Variants in PDE1A observed in about 807,000 individuals in gnomAD.
PDE1A encodes dual specificity calcium/calmodulin-dependent 3',5'-cyclic nucleotide phosphodiesterase 1A.
In PDE1A, 35 loss-of-function variants were observed where a neutral mutation model predicts 61.7. The ratio of observed to expected loss-of-function variants is 0.57; its 90% CI spans 0.43 to 0.75. The LOEUF is 0.75. PDE1A is among the 30% of genes least tolerant of loss of function. The pLI is 0.00. For missense variants in PDE1A, 597 were observed against 630.6 expected (o/e 0.95, Z 0.57); for synonymous variants, 232 against 213.2 (o/e 1.09, Z -0.77).
chr2:182,274,236 C>T (rs1349079793), intron 1 of PDE1A, among the ~76,000 whole-genome samples: 1 of 152,080 alleles, frequency 6.6e-6, no homozygotes, highest in Non-Finnish European at 1.5e-5. Flanking sequence ...ACAAATATAT[C>T]AAATGGCTTG....
intron 1 of PDE1A, among the ~76,000 whole-genome samples, chr2:182,362,214 A>G (rs944749978): frequency 6.6e-6 from 1 of 152,032 alleles, no homozygotes; most frequent in Admixed American, 6.6e-5. Flanking sequence ...CAGAAGACCA[A>G]TGAAATTATA....
chr2:182,626,114 T>C, the PDE1A span, among the ~76,000 whole-genome samples: 1 of 152,192 alleles, frequency 6.6e-6, no homozygotes, highest in Non-Finnish European at 1.5e-5. Flanking sequence ...ATGTTGGAAG[T>C]GCAGGAAGTG....
chr2:182,209,056 T>C (rs543957621), intron 7 of PDE1A, among the ~76,000 whole-genome samples: 1 of 152,114 alleles, frequency 6.6e-6, no homozygotes, highest in Non-Finnish European at 1.5e-5. Flanking sequence ...GAGAAGGACA[T>C]GTGATTCAGG....
the PDE1A span, among the ~76,000 whole-genome samples, chr2:182,576,607 G>A: frequency 6.6e-6 from 1 of 152,080 alleles, no homozygotes; most frequent in African/African-American, 2.4e-5. Flanking sequence ...GGATTATATG[G>A]TACTTCTAAT....
intron 1 of PDE1A, among the ~76,000 whole-genome samples, chr2:182,273,183 TA>T (rs1693158237): frequency 2.6e-5 from 4 of 151,988 alleles, no homozygotes; most frequent in African/African-American, 9.7e-5. Flanking sequence ...TTTTGATAAT[TA>T]AAAAAAGAAT....
intron 1 of PDE1A, among the ~76,000 whole-genome samples, chr2:182,410,140 C>G (rs545241085): frequency 6.6e-6 from 1 of 152,002 alleles, no homozygotes; most frequent in Non-Finnish European, 1.5e-5. Flanking sequence ...TCACTTAAGC[C>G]CAGGAGTTCA....
intron 2 of PDE1A, among the ~76,000 whole-genome samples, chr2:182,519,627 A>G (rs1690438050): frequency 6.6e-6 from 1 of 151,936 alleles, no homozygotes; most frequent in African/African-American, 2.4e-5. Context: ...AATGGTAGAC[A>G]GCATTGATAT....
intron 1 of PDE1A, among the ~76,000 whole-genome samples, chr2:182,341,413 C>A (rs1258778527): frequency 6.6e-6 from 1 of 152,138 alleles, no homozygotes; most frequent in Non-Finnish European, 1.5e-5. Flanking sequence ...GTGGCAATAA[C>A]TGTTTTAATG....
intron 1 of PDE1A, among the ~76,000 whole-genome samples, chr2:182,320,384 T>A (rs1379614049): frequency 6.6e-6 from 1 of 152,086 alleles, no homozygotes; most frequent in African/African-American, 2.4e-5. Context: ...TAGGCCGCAC[T>A]GATGAAGAGG....
At chr2:182,159,700 G>T (rs1691274641) in intron 13 of PDE1A, among the ~76,000 whole-genome samples, 1 of 152,120 alleles carries the variant, frequency 6.6e-6, no homozygotes, top group African/African-American at 2.4e-5. Context: ...GAGTGCATTG[G>T]CTCTTGCACT....
At chr2:182,670,697 C>T in the PDE1A span, among the ~76,000 whole-genome samples, 1 of 152,178 alleles carries the variant, frequency 6.6e-6, no homozygotes, top group Non-Finnish European at 1.5e-5. Flanking sequence ...ATTTGGGAAA[C>T]CAATCACCTA....
chr2:182,183,496 C>A (rs776956933), intron 13 of PDE1A, among the ~76,000 whole-genome samples: 7 of 152,130 alleles, frequency 4.6e-5, no homozygotes, highest in Non-Finnish European at 1.0e-4. Flanking sequence ...AATGGGAAGG[C>A]AGCAAATAAT....
intron 1 of PDE1A, among the ~76,000 whole-genome samples, chr2:182,320,881 T>C (rs557320729): frequency 1.3e-5 from 2 of 152,214 alleles, no homozygotes; most frequent in Non-Finnish European, 2.9e-5. Context: ...AAACCAAAAA[T>C]ATTCCACATG....
chr2:182,289,792 C>T (rs751408211), intron 1 of PDE1A, among the ~76,000 whole-genome samples: 22 of 152,060 alleles, frequency 1.4e-4, no homozygotes, highest in Non-Finnish European at 2.8e-4. Context: ...TCCTAACCTA[C>T]GAGTTACTTT....
chr2:182,273,519 G>C (rs1006316570), intron 1 of PDE1A, among the ~76,000 whole-genome samples: 2 of 151,616 alleles, frequency 1.3e-5, no homozygotes, highest in Non-Finnish European at 2.9e-5. Flanking sequence ...CTTATCTACT[G>C]AACTAACTGA....
At chr2:182,271,047 A>T (rs1456017723) in intron 1 of PDE1A, among the ~76,000 whole-genome samples, 2 of 151,936 alleles carry the variant, frequency 1.3e-5, no homozygotes, top group African/African-American at 4.8e-5. Context: ...ATAATTCCCC[A>T]AACAATTTCT....
At chr2:182,624,649 G>C in the PDE1A span, among the ~76,000 whole-genome samples, 87 of 152,234 alleles carry the variant, frequency 5.7e-4, no homozygotes, top group African/African-American at 1.7e-3. Flanking sequence ...AGCCAGTTTT[G>C]AGGCCCTGGC....
the PDE1A span, among the ~76,000 whole-genome samples, chr2:182,532,945 CAAAA>C: frequency 5.0e-3 from 106 of 21,140 alleles, no homozygotes; most frequent in African/African-American, 0.019. Flanking sequence ...GACTCCGTCT[CAAAA>C]AAAAAAAAAA....
chr2:182,248,536 C>A (rs1473569513), intron 2 of PDE1A, among the ~76,000 whole-genome samples: 1 of 152,032 alleles, frequency 6.6e-6, no homozygotes, highest in Non-Finnish European at 1.5e-5. Flanking sequence ...TCATAATTTT[C>A]TCTTGAAATC....
Sources: gnomAD v4.1 joint callset for allele counts (sites outside exome capture counted in the v4.1 genomes callset) on GRCh38, gnomAD v4.1.1 for gene constraint, MANE v1.5 for transcripts, NCBI Gene and HGNC (gene_info 2026-07-23, HGNC 2026-07-21) for gene names.